ACACA: variants seen among roughly 807,000 people sequenced by gnomAD.
ACACA encodes the protein acetyl-CoA carboxylase alpha.
Under a neutral mutation model 296.1 loss-of-function variants are expected in ACACA, and 103 were observed. That is an observed-to-expected ratio of 0.35 (90% CI 0.30 to 0.41). ACACA has a LOEUF of 0.41. Ranked by LOEUF, ACACA falls within the 10% of genes least tolerant of loss-of-function variation. ACACA has a pLI of 1.00. For synonymous variants in ACACA, 953 were observed against 1,038.6 expected (o/e 0.92, Z 1.58); for missense variants, 1,554 against 2,989.7 (o/e 0.52, Z 11.20).
Position 37,128,024 on chromosome 17 carries a change from CAAAAAAAAAAAAAA to C in ACACA, c.5944+1327_5944+1340del, listed in dbSNP as rs1173864454. ...GGAGGACAAGAGTGAAACTCCATCTCAAAAAAAAAAAAAAAAAAAAAAAAAAAAAACAGTAGGAA... is the reference window on the plus strand; with the variant it reads ...GGAGGACAAGAGTGAAACTCCATCTCAAAAAAAAAAAAAAAACAGTAGGAA... On this transcript the variant is annotated intron_variant, in intron 47 of 55. Transcript: ENST00000616317. Among the ~76,000 whole-genome samples, 90 of 39,742 alleles carry C rather than the reference CAAAAAAAAAAAAAA, an allele frequency of 2.3e-3. 1 individual carries two copies. The highest frequency in any genetic ancestry group is 0.019 in the Middle Eastern group (1 of 54). 26.1% of individuals were successfully genotyped at this position (39,742 alleles called of 152,430 possible). A position where few individuals can be genotyped will look rare whatever the true frequency, so the allele number is the denominator to read the frequency against.
intron 3 of ACACA, among the ~76,000 whole-genome samples, chr17:37,291,066 G>A (rs1228042506): frequency 3.9e-5 from 5 of 128,544 alleles, no homozygotes; most frequent in Non-Finnish European, 6.2e-5. Flanking sequence ...TGGCAACAGA[G>A]CAAGACTCTG....
At chr17:37,089,533 CAGTG>C (rs2072467892) in intron 54 of ACACA, among the ~76,000 whole-genome samples, 2 of 152,224 alleles carry the variant, frequency 1.3e-5, no homozygotes, top group Admixed American at 6.5e-5. Flanking sequence ...TCTCTAGCCT[CAGTG>C]AGGCCTGGCA....
chr17:37,257,658 C>T, intron 14 of ACACA, 45 bp downstream of exon 14: 2 of 1,597,262 alleles, frequency 1.3e-6, no homozygotes, highest in Admixed American at 1.7e-5. Context: ...TTAAGATTAG[C>T]ACAAATTTAT....
At chr17:37,258,913 G>A (rs1339660820) in intron 12 of ACACA, among the ~76,000 whole-genome samples, 1 of 152,072 alleles carries the variant, frequency 6.6e-6, no homozygotes, top group Non-Finnish European at 1.5e-5. Context: ...CAATAATATT[G>A]ACAGCAAGCA....
rs1387049314 is a variant in ACACA, at chr17:37,376,240, C to T, written c.38+30022G>A. ...TCTCTTCCACCAGATAGAGATGTAG[C>T]TGATATCCAGCAAGCAATACTTTCC... On this transcript the variant is annotated intron_variant, in intron 1 of 55. Coordinates refer to ENST00000616317, the MANE Select transcript of ACACA (RefSeq NM_198834.3). 3 of 1,095,736 alleles carry T rather than the reference C, an allele frequency of 2.7e-6. No homozygotes were observed. In the East Asian group the frequency reaches 7.1e-5, roughly 26 times the overall value. The allele number at this position is 1,095,736 out of a possible 1,614,324, so 67.9% of individuals were successfully genotyped here.
chr17:37,368,528 C>A (rs952339070), intron 1 of ACACA, among the ~76,000 whole-genome samples: 4 of 152,032 alleles, frequency 2.6e-5, no homozygotes, highest in Non-Finnish European at 5.9e-5. Context: ...TTGCAGTGAG[C>A]CAAAATTGCG....
rs772679026 is a variant in ACACA, at chr17:37,370,484, T to TAAA, written c.39-30637_39-30635dup. On this transcript the variant is annotated intron_variant, in intron 1 of 55. Coordinates refer to ENST00000616317, the MANE Select transcript of ACACA (RefSeq NM_198834.3). ...CAACACGGTGAAAACTAGTCTCTAC[T>TAAA]AAAAAAAAAAAAAAAAAAAAAAATT... Among the ~76,000 whole-genome samples the TAAA allele has an allele frequency of 8.9e-4, 68 of 76,270 alleles. 1 individual carries two copies. The highest frequency in any genetic ancestry group is 3.0e-3 in the African/African-American group (64 of 21,044). 50.0% of individuals were successfully genotyped at this position (76,270 alleles called of 152,430 possible).
chr17:37,221,511 G>A (rs72826195), intron 29 of ACACA: 277 of 623,026 alleles, frequency 4.4e-4, no homozygotes, highest in Non-Finnish European at 7.8e-4. Context: ...AATGAATGGA[G>A]TAATCCTAAA....
chr17:37,277,230 C>T (rs754107662), intron 6 of ACACA, 116 bp from the exon 7 acceptor site: 1 of 878,594 alleles, frequency 1.1e-6, no homozygotes, highest in Non-Finnish European at 1.9e-6. Flanking sequence ...CCACAGCAGC[C>T]TAATGCTTAA....
intron 3 of ACACA, among the ~76,000 whole-genome samples, chr17:37,305,904 G>GTTTTTTTTTTTTTTTT (rs200591761): frequency 5.2e-5 from 5 of 95,804 alleles, no homozygotes; most frequent in Non-Finnish European, 8.8e-5. Flanking sequence ...TTTTTTTTTT[G>GTTTTTTTTTTTTTTTT]TTTTTTTTTT....
At chr17:37,302,523 T>C (rs1053486606) in intron 3 of ACACA, among the ~76,000 whole-genome samples, 3 of 149,864 alleles carry the variant, frequency 2.0e-5, no homozygotes, top group Admixed American at 2.0e-4. Context: ...CTGGAACTCT[T>C]GACCTCAGGT....
At chr17:37,174,152 C>T (rs1194564337) in intron 41 of ACACA, among the ~76,000 whole-genome samples, 9 of 148,410 alleles carry the variant, frequency 6.1e-5, no homozygotes, top group African/African-American at 1.2e-4. Context: ...TGCGCCACCG[C>T]GCCTGGCTGT....
intron 1 of ACACA, among the ~76,000 whole-genome samples, chr17:37,390,100 T>C (rs570169982): frequency 1.8e-4 from 21 of 117,372 alleles, no homozygotes; most frequent in Admixed American, 7.4e-4. Context: ...GAGACCAGCC[T>C]AGGCAACATA....
chr17:37,157,206 T>A (rs1405535609), intron 42 of ACACA, among the ~76,000 whole-genome samples: 2 of 152,190 alleles, frequency 1.3e-5, no homozygotes, highest in African/African-American at 4.8e-5. Flanking sequence ...AGTAAAGACC[T>A]AAAGGAGCTG....
At chr17:37,352,734 A>G (rs1176249087) in intron 1 of ACACA, among the ~76,000 whole-genome samples, 1 of 152,224 alleles carries the variant, frequency 6.6e-6, no homozygotes, top group African/African-American at 2.4e-5. Flanking sequence ...TATCAAAAAA[A>G]AAAAAGAAAA....
chr17:37,192,973 A>C (rs2077825170), intron 36 of ACACA, among the ~76,000 whole-genome samples: 1 of 152,228 alleles, frequency 6.6e-6, no homozygotes, highest in Non-Finnish European at 1.5e-5. Context: ...AGAGTCAAAT[A>C]TATAAGCCGG....
At chr17:37,199,052 T>C (rs530475207) in intron 35 of ACACA, among the ~76,000 whole-genome samples, 4 of 152,060 alleles carry the variant, frequency 2.6e-5, no homozygotes, top group African/African-American at 9.6e-5. Context: ...CCAGCCTGGC[T>C]AACATGGTGA....
At chr17:37,276,948 A>C in intron 7 of ACACA, 85 bp downstream of exon 7, 1 of 1,182,528 alleles carries the variant, frequency 8.5e-7, no homozygotes. Context: ...GCACATGTTA[A>C]ACAGAAAATC....
At chr17:37,342,184 A>G (rs1419951563) in intron 1 of ACACA, among the ~76,000 whole-genome samples, 1 of 151,674 alleles carries the variant, frequency 6.6e-6, no homozygotes, top group Non-Finnish European at 1.5e-5. Flanking sequence ...GAAGACGGGC[A>G]GATCACTTAA....
Sources: gnomAD v4.1 joint callset for allele counts (sites outside exome capture counted in the v4.1 genomes callset) on GRCh38, gnomAD v4.1.1 for gene constraint, MANE v1.5 for transcripts, NCBI Gene and HGNC (gene_info 2026-07-23, HGNC 2026-07-21) for gene names.